The following CNTNAP2 variants were observed in gnomAD, a reference collection of about 807,000 sequenced individuals.
CNTNAP2 encodes the protein contactin associated protein 2.
Under a neutral mutation model 155.2 loss-of-function variants are expected in CNTNAP2, and 98 were observed. The observed-to-expected ratio is 0.63, with a 90% confidence interval of 0.54 to 0.75. The LOEUF is 0.75. Among genes scored for constraint, CNTNAP2 ranks in the 30% least tolerant of loss-of-function variants. The pLI, the probability that CNTNAP2 is intolerant of heterozygous loss-of-function variation, is 0.00. For missense variants in CNTNAP2, 1,727 were observed against 1,688.1 expected, an observed-to-expected ratio of 1.02 and a Z score of -0.40; for synonymous variants, 651 against 631.2, an observed-to-expected ratio of 1.03 and a Z score of -0.47.
At chr7:146,205,629 T>C (rs1406113941) in intron 1 of CNTNAP2, among the ~76,000 whole-genome samples, 1 of 151,678 alleles carries the variant, frequency 6.6e-6, no homozygotes, top group Non-Finnish European at 1.5e-5. Flanking sequence ...TAGGGAAAAA[T>C]AAATAATTCC....
intron 2 of CNTNAP2, among the ~76,000 whole-genome samples, chr7:146,805,371 G>T (rs1388091987): frequency 6.6e-6 from 1 of 152,130 alleles, no homozygotes; most frequent in Non-Finnish European, 1.5e-5. Context: ...TAGTTGAATT[G>T]TGACTCATCA....
intron 8 of CNTNAP2, among the ~76,000 whole-genome samples, chr7:147,179,736 A>G (rs1237636070): frequency 2.0e-5 from 3 of 152,178 alleles, no homozygotes; most frequent in Non-Finnish European, 4.4e-5. Flanking sequence ...AGTCTAGGCC[A>G]GACAAGGAGG....
intron 11 of CNTNAP2, among the ~76,000 whole-genome samples, chr7:147,546,599 G>A (rs936143743): frequency 1.3e-5 from 2 of 152,116 alleles, no homozygotes; most frequent in South Asian, 4.1e-4. Flanking sequence ...TCTTAGCCTA[G>A]GACAAATGCT....
At chr7:148,375,258 CTATA>C (rs35795122) in intron 21 of CNTNAP2, among the ~76,000 whole-genome samples, 105,153 of 147,072 alleles carry the variant, frequency 0.71, 38,632 homozygotes, top group Admixed American at 0.81. Flanking sequence ...ATATATAAAA[CTATA>C]TATAGTTACA....
chr7:147,216,179 A>G (rs1419024236), intron 8 of CNTNAP2, among the ~76,000 whole-genome samples: 2 of 151,036 alleles, frequency 1.3e-5, no homozygotes, highest in African/African-American at 4.9e-5. Context: ...AGAAATTTTT[A>G]GTTTTAATGC....
At chr7:147,634,226 T>C (rs371550735) in intron 12 of CNTNAP2, among the ~76,000 whole-genome samples, 13 of 151,936 alleles carry the variant, frequency 8.6e-5, no homozygotes, top group African/African-American at 3.1e-4. Flanking sequence ...AACCAATGAG[T>C]GGATAAAGAG....
chr7:147,960,556 T>C (rs1049817822), intron 14 of CNTNAP2, among the ~76,000 whole-genome samples: 4 of 152,178 alleles, frequency 2.6e-5, no homozygotes, highest in African/African-American at 9.6e-5. Context: ...ACAATAATGA[T>C]ACTAATAGGC....
chr7:147,677,029 G>A (rs189521190), intron 13 of CNTNAP2, among the ~76,000 whole-genome samples: 5 of 151,510 alleles, frequency 3.3e-5, no homozygotes, highest in Admixed American at 2.6e-4. Context: ...TATATACTCA[G>A]TAGTGAGATT....
At chr7:147,127,637 T>C (rs985339744) in intron 6 of CNTNAP2, among the ~76,000 whole-genome samples, 5 of 152,120 alleles carry the variant, frequency 3.3e-5, no homozygotes, top group Non-Finnish European at 7.4e-5. Flanking sequence ...TCCTAACCAT[T>C]TAGTGAGTTC....
chr7:147,497,548 G>A (rs1270058766), intron 11 of CNTNAP2, among the ~76,000 whole-genome samples: 1 of 152,194 alleles, frequency 6.6e-6, no homozygotes, highest in Non-Finnish European at 1.5e-5. Flanking sequence ...ACTGGATAAA[G>A]AAATACCTCT....
At chr7:146,208,115 G>T (rs1002566514) in intron 1 of CNTNAP2, among the ~76,000 whole-genome samples, 2 of 151,896 alleles carry the variant, frequency 1.3e-5, no homozygotes, top group African/African-American at 4.8e-5. Flanking sequence ...TACTATATAT[G>T]ACTTTAGCAG....
chr7:147,418,150 G>A (rs1209463812), intron 10 of CNTNAP2, among the ~76,000 whole-genome samples: 1 of 152,136 alleles, frequency 6.6e-6, no homozygotes, highest in East Asian at 1.9e-4. Context: ...TTTTCTAAGT[G>A]AATAATATTC....
intron 3 of CNTNAP2, among the ~76,000 whole-genome samples, chr7:146,905,043 C>T (rs4130001): frequency 0.27 from 40,440 of 151,930 alleles, 6,750 homozygotes; most frequent in Non-Finnish European, 0.36. Flanking sequence ...CAGATAATTC[C>T]GTGTAGTGGG....
chr7:146,915,783 CT>C (rs1051676132), intron 3 of CNTNAP2: 1 of 152,072 alleles, frequency 6.6e-6, no homozygotes, highest in African/African-American at 2.4e-5. Flanking sequence ...GTTTGACTTC[CT>C]CTCTACTGAT....
intron 1 of CNTNAP2, among the ~76,000 whole-genome samples, chr7:146,724,200 A>G (rs927333328): frequency 6.6e-5 from 10 of 152,138 alleles, no homozygotes; most frequent in African/African-American, 2.4e-4. Context: ...GGCTTATAAC[A>G]ATTTTCAGTC....
intron 14 of CNTNAP2, among the ~76,000 whole-genome samples, chr7:147,958,820 C>T (rs1252065671): frequency 6.6e-6 from 1 of 152,134 alleles, no homozygotes; most frequent in Admixed American, 6.6e-5. Flanking sequence ...ACTCCCAACT[C>T]ATCAGTTTGC....
intron 1 of CNTNAP2, among the ~76,000 whole-genome samples, chr7:146,254,151 ACACACACACACAAG>A (rs1490065657): frequency 2.1e-5 from 3 of 144,156 alleles, no homozygotes; most frequent in African/African-American, 5.8e-5. Context: ...ACACACACAC[ACACACACACACAAG>A]CAAACACACA....
chr7:147,176,823 TTATAA>T (rs2116490071), intron 8 of CNTNAP2, among the ~76,000 whole-genome samples: 1 of 125,776 alleles, frequency 8.0e-6, no homozygotes, highest in South Asian at 2.2e-4. Context: ...TATAGAATAA[TTATAA>T]TATATAATTA....
At chr7:147,396,904 C>T (rs1210437653) in intron 10 of CNTNAP2, among the ~76,000 whole-genome samples, 1 of 151,960 alleles carries the variant, frequency 6.6e-6, no homozygotes, top group Non-Finnish European at 1.5e-5. Flanking sequence ...CTACCCACAA[C>T]AAAATGTAGA....
Sources: gnomAD v4.1 joint callset for allele counts (sites outside exome capture counted in the v4.1 genomes callset) on GRCh38, gnomAD v4.1.1 for gene constraint, MANE v1.5 for transcripts, NCBI Gene and HGNC (gene_info 2026-07-23, HGNC 2026-07-21) for gene names.